Variants in RBFOX1 observed in about 807,000 individuals in gnomAD.
RBFOX1 encodes the protein RNA binding protein fox-1 homolog 1.
A neutral mutation model predicts 57.7 loss-of-function variants in RBFOX1; 8 were observed. That is an observed-to-expected ratio of 0.14 (90% confidence interval 0.08 to 0.25). The LOEUF (loss-of-function observed/expected upper bound fraction) is 0.25, where lower values mean the gene tolerates loss of function less well. Among genes scored for constraint, RBFOX1 ranks in the 10% least tolerant of loss-of-function variants. The probability of loss-of-function intolerance (pLI) is 1.00; values close to 1 mark genes in which losing one functional copy is unlikely to be tolerated. For missense variants in RBFOX1, 611 were observed against 548.5 expected, an observed-to-expected ratio of 1.11 and a Z score of -1.14; for synonymous variants, 326 against 222.4, an observed-to-expected ratio of 1.47 and a Z score of -4.15.
At chr16:5,296,829 C>T (rs962766219) in intron 1 of RBFOX1, among the ~76,000 whole-genome samples, 4 of 151,996 alleles carry the variant, frequency 2.6e-5, no homozygotes, top group Non-Finnish European at 5.9e-5. Flanking sequence ...CAGGCACGCA[C>T]CACCACGCCC....
chr16:6,612,866 T>TAAA (rs749109477), intron 2 of RBFOX1, among the ~76,000 whole-genome samples: 1 of 114,916 alleles, frequency 8.7e-6, no homozygotes, highest in Admixed American at 8.7e-5. Context: ...AAAAAAAAAA[T>TAAA]AATAATAATA....
intron 3 of RBFOX1, among the ~76,000 whole-genome samples, chr16:6,762,503 C>G (rs1037512445): frequency 3.3e-5 from 5 of 152,060 alleles, no homozygotes; most frequent in Non-Finnish European, 7.4e-5. Context: ...TTATGGCTCA[C>G]CAGTGTTACC....
chr16:5,973,216 G>C (rs376651521), intron 4 of RBFOX1, among the ~76,000 whole-genome samples: 11 of 152,180 alleles, frequency 7.2e-5, no homozygotes, highest in Admixed American at 7.2e-4. Context: ...AGGGATGTTC[G>C]TGAAAGAAGG....
intron 3 of RBFOX1, among the ~76,000 whole-genome samples, chr16:5,795,095 G>T (rs745671920): frequency 1.2e-4 from 19 of 152,128 alleles, no homozygotes; most frequent in Non-Finnish European, 2.6e-4. Context: ...GTGGAGAATG[G>T]GAAAAGAAAT....
At chr16:5,872,181 C>T (rs1029665962) in intron 4 of RBFOX1, among the ~76,000 whole-genome samples, 26 of 152,202 alleles carry the variant, frequency 1.7e-4, no homozygotes, top group African/African-American at 6.3e-4. Context: ...AACAGAAGAT[C>T]AGTCCTAGCC....
chr16:7,298,905 C>T (rs1429441304), intron 4 of RBFOX1, among the ~76,000 whole-genome samples: 6 of 152,126 alleles, frequency 3.9e-5, no homozygotes, highest in Non-Finnish European at 8.8e-5. Flanking sequence ...TCTCAGGTGG[C>T]AGAGAATTTC....
intron 1 of RBFOX1, among the ~76,000 whole-genome samples, chr16:5,240,940 C>G (rs1469862232): frequency 6.6e-6 from 1 of 152,206 alleles, no homozygotes; most frequent in East Asian, 1.9e-4. Context: ...GAGCTGTACC[C>G]CTCAGTGAGG....
intron 1 of RBFOX1, among the ~76,000 whole-genome samples, chr16:5,265,409 A>G (rs1162565135): frequency 3.9e-5 from 6 of 152,234 alleles, no homozygotes; most frequent in Non-Finnish European, 1.5e-5. Flanking sequence ...TTCTGTACCA[A>G]TTATATTAAA....
chr16:6,538,859 C>G (rs140629036), intron 2 of RBFOX1, among the ~76,000 whole-genome samples: 224 of 152,204 alleles, frequency 1.5e-3, no homozygotes, highest in African/African-American at 3.6e-3. Flanking sequence ...TGGTGCCAAA[C>G]TTACTATTTT....
At chr16:5,711,616 C>G (rs2051491262) in intron 3 of RBFOX1, among the ~76,000 whole-genome samples, 1 of 152,160 alleles carries the variant, frequency 6.6e-6, no homozygotes, top group Non-Finnish European at 1.5e-5. Flanking sequence ...TCCTGGGCAG[C>G]TTTGGGTGAG....
At chr16:5,948,378 G>A (rs2059448012) in intron 4 of RBFOX1, among the ~76,000 whole-genome samples, 1 of 152,138 alleles carries the variant, frequency 6.6e-6, no homozygotes, top group Admixed American at 6.6e-5. Context: ...CCAGCAGTGG[G>A]GACATTGATT....
At chr16:6,821,045 T>A (rs952534017) in intron 3 of RBFOX1, among the ~76,000 whole-genome samples, 1 of 152,216 alleles carries the variant, frequency 6.6e-6, no homozygotes, top group African/African-American at 2.4e-5. Flanking sequence ...ACAAAACAGA[T>A]TCCTATATAT....
intron 4 of RBFOX1, among the ~76,000 whole-genome samples, chr16:7,209,474 G>T (rs1055300741): frequency 6.6e-6 from 1 of 152,080 alleles, no homozygotes; most frequent in Non-Finnish European, 1.5e-5. Context: ...ATAACCTCAA[G>T]GCCTTTGCAC....
intron 1 of RBFOX1, among the ~76,000 whole-genome samples, chr16:6,224,249 A>G (rs1000676747): frequency 1.3e-5 from 2 of 151,738 alleles, no homozygotes; most frequent in African/African-American, 2.4e-5. Flanking sequence ...GAAGAAAGTC[A>G]TTGGTAGCTT....
At chr16:7,304,526 C>G in intron 4 of RBFOX1, 2 of 985,258 alleles carry the variant, frequency 2.0e-6, no homozygotes, top group Non-Finnish European at 2.4e-6. Flanking sequence ...TTTCCTGGGG[C>G]TGGGCCAGAT....
chr16:7,301,435 C>G (rs2096029355), intron 4 of RBFOX1, among the ~76,000 whole-genome samples: 1 of 152,148 alleles, frequency 6.6e-6, no homozygotes, highest in African/African-American at 2.4e-5. Flanking sequence ...TTCAGTGTGT[C>G]TGACTGTGAA....
At chr16:6,299,072 T>C (rs1416068425) in intron 1 of RBFOX1, among the ~76,000 whole-genome samples, 2 of 152,176 alleles carry the variant, frequency 1.3e-5, no homozygotes, top group East Asian at 1.9e-4. Flanking sequence ...CATCTGCCAA[T>C]TGCAACCCAC....
At chr16:6,622,231 C>G (rs938891412) in intron 2 of RBFOX1, among the ~76,000 whole-genome samples, 1 of 152,156 alleles carries the variant, frequency 6.6e-6, no homozygotes, top group African/African-American at 2.4e-5. Context: ...TAGTTCTGCA[C>G]CACATAATGA....
Position 7,579,770 on chromosome 16 carries a change from C to A in RBFOX1, c.271-7C>A. 6.2e-7 allele frequency: 1 copy of A among 1,614,030 alleles called. No individual in the cohort carries two copies. The highest frequency in any genetic ancestry group is 1.3e-5 in the African/African-American group (1 of 75,024). On this transcript the variant is annotated splice_region_variant and splice_polypyrimidine_tract_variant and intron_variant, in intron 5 of 15. Transcript: ENST00000550418. The stretch of plus-strand genomic sequence containing the variant: ...AGAACCTCTTCGGTTTCTTCTTGTT[C>A]TTTTAGCAGACAGATGACGCAGCAC...
Sources: allele counts gnomAD v4.1 joint callset (sites outside exome capture counted in the v4.1 genomes callset), GRCh38; gene constraint gnomAD v4.1.1; transcripts MANE v1.5; gene names NCBI Gene and HGNC (gene_info 2026-07-23, HGNC 2026-07-21).